The following BAZ2B variants were observed in gnomAD, a reference collection of about 807,000 sequenced individuals.
BAZ2B encodes the protein bromodomain adjacent to zinc finger domain protein 2B.
A neutral mutation model predicts 246.0 loss-of-function variants in BAZ2B; 91 were observed. The observed-to-expected ratio is 0.37, with a 90% CI of 0.31 to 0.44. The LOEUF (loss-of-function observed/expected upper bound fraction) is 0.44. Ranked by LOEUF, BAZ2B falls within the 20% of genes least tolerant of loss-of-function variation. The pLI is 1.00. For synonymous variants in BAZ2B, 855 were observed against 860.0 expected, an observed-to-expected ratio of 0.99 and a Z score of 0.10; for missense variants, 2,332 against 2,533.7, an observed-to-expected ratio of 0.92 and a Z score of 1.71.
chr2:159,457,512 A>C (rs145441898), intron 3 of BAZ2B, among the ~76,000 whole-genome samples: 142 of 152,322 alleles, frequency 9.3e-4, no homozygotes, highest in African/African-American at 3.2e-3. Flanking sequence ...TCTTTAGGCA[A>C]ACTTGCAGTT....
chr2:159,594,573 G>A (rs1210867458), intron 1 of BAZ2B, among the ~76,000 whole-genome samples: 1 of 151,612 alleles, frequency 6.6e-6, no homozygotes, highest in Non-Finnish European at 1.5e-5. Context: ...AATCCTTAAA[G>A]TTTACAACAT....
chr2:159,561,169 G>A (rs2089827875), intron 1 of BAZ2B, among the ~76,000 whole-genome samples: 1 of 152,132 alleles, frequency 6.6e-6, no homozygotes, highest in Admixed American at 6.5e-5. Context: ...CATAAGGTAG[G>A]GTGTTTGGGT....
chr2:159,411,859 A>C, intron 14 of BAZ2B: 4 of 668,442 alleles, frequency 6.0e-6, no homozygotes, highest in Non-Finnish European at 7.4e-6. Flanking sequence ...TATATATACT[A>C]TATCTGGACT....
At chr2:159,693,975 CT>C in the BAZ2B span, 1 of 152,238 alleles carries the variant, frequency 6.6e-6, no homozygotes, top group Admixed American at 6.5e-5. Flanking sequence ...AAATTCACCC[CT>C]AGGTTTTCAA....
At chr2:159,679,647 C>T in the BAZ2B span, among the ~76,000 whole-genome samples, 2 of 152,100 alleles carry the variant, frequency 1.3e-5, no homozygotes, top group African/African-American at 4.8e-5. Context: ...TAAATAAATC[C>T]TTTCAATGCC....
At chr2:159,464,848 A>G (rs1268105187) in intron 3 of BAZ2B, 1 of 152,252 alleles carries the variant, frequency 6.6e-6, no homozygotes, top group African/African-American at 2.4e-5. Flanking sequence ...ATATAGCTGT[A>G]CTTCTAGTAA....
chr2:159,593,077 A>C (rs1689775547), intron 1 of BAZ2B, among the ~76,000 whole-genome samples: 1 of 152,212 alleles, frequency 6.6e-6, no homozygotes, highest in Non-Finnish European at 1.5e-5. Flanking sequence ...CTGCTAAGGG[A>C]AACAAAAATT....
intron 25 of BAZ2B, among the ~76,000 whole-genome samples, chr2:159,380,437 T>G (rs531639858): frequency 1.1e-4 from 17 of 152,344 alleles, no homozygotes; most frequent in African/African-American, 3.8e-4. Flanking sequence ...ATCACACTGC[T>G]TTAACACTGT....
At chr2:159,655,367 TTAAA>T in the BAZ2B span, among the ~76,000 whole-genome samples, 1 of 152,238 alleles carries the variant, frequency 6.6e-6, no homozygotes, top group Admixed American at 6.5e-5. Context: ...CTCCAGGACT[TTAAA>T]TATGCCATTG....
At chr2:159,474,074 G>A (rs2078183790) in intron 3 of BAZ2B, among the ~76,000 whole-genome samples, 1 of 152,122 alleles carries the variant, frequency 6.6e-6, no homozygotes, top group Non-Finnish European at 1.5e-5. Context: ...ATGTGTATTA[G>A]GTCTGCTTGG....
chr2:159,433,158 C>A lies in BAZ2B; in HGVS notation c.1499G>T (p.Ser500Ile). The change falls in exon 9 of 37, where the codon AGT becomes ATT. Residue 500 changes from serine (S) to isoleucine (I), a missense_variant. This residue lies in a region of BAZ2B where 651 missense variants were observed against 650.9 expected (regional missense o/e 1.00). Transcript: ENST00000392783. ...TGCTAGAGGAGCTTCTTGAATGACA[C>A]TTTGAATAACTCCATTTGGTTGGTG... ...GNHQPNGVIQ[S>I]VIQEAPLALT... 1 of 1,614,148 alleles carries A rather than the reference C, an allele frequency of 6.2e-7. No homozygotes were observed. The highest frequency in any genetic ancestry group is 1.3e-5 in the African/African-American group (1 of 75,038).
At chr2:159,652,406 C>T in the BAZ2B span, among the ~76,000 whole-genome samples, 1 of 152,050 alleles carries the variant, frequency 6.6e-6, no homozygotes, top group Non-Finnish European at 1.5e-5. Flanking sequence ...GACAGGGTTT[C>T]ATCATGTTGG....
In BAZ2B at chr2:159,325,133, ATATAT is replaced by A. The variant is rs1558945268; in HGVS notation, c.6210-184_6210-180del. Among the ~76,000 whole-genome samples, 41 of 40,988 alleles carry A rather than the reference ATATAT, an allele frequency of 1.0e-3. 2 individuals are homozygous for A. Among genetic ancestry groups the A allele is most frequent in the African/African-American group, 3.9e-3 (40 of 10,176 alleles). The allele number at this position is 40,988 out of a possible 152,430, so 26.9% of individuals were successfully genotyped here. A position where few individuals can be genotyped will look rare whatever the true frequency, so the allele number is the denominator to read the frequency against. ...ATATATATTTTATATATATATATATATATATATATATATATGAGATAGGGTCTTGC... is the reference window on the plus strand; with the variant it reads ...ATATATATTTTATATATATATATATAATATATATATGAGATAGGGTCTTGC... On this transcript the variant is annotated intron_variant, in intron 35 of 36. Coordinates refer to ENST00000392783, the MANE Select transcript of BAZ2B (RefSeq NM_013450.4).
chr2:159,576,261 T>C (rs1263263630), intron 1 of BAZ2B, among the ~76,000 whole-genome samples: 2 of 152,030 alleles, frequency 1.3e-5, no homozygotes, highest in African/African-American at 2.4e-5. Flanking sequence ...AGAATTCTTG[T>C]GAGGATTACA....
chr2:159,657,081 G>A, the BAZ2B span, among the ~76,000 whole-genome samples: 15 of 152,126 alleles, frequency 9.9e-5, no homozygotes, highest in East Asian at 2.5e-3. Flanking sequence ...TCACTTAGAC[G>A]TTCTCCAGTG....
intron 31 of BAZ2B, among the ~76,000 whole-genome samples, chr2:159,344,042 A>G (rs2067273167): frequency 7.8e-6 from 1 of 127,930 alleles, no homozygotes; most frequent in Admixed American, 8.1e-5. Flanking sequence ...AAAAAAAAAA[A>G]AAAGAAAAAA....
At chr2:159,663,855 CTTTTTT>C in the BAZ2B span, among the ~76,000 whole-genome samples, 8 of 92,496 alleles carry the variant, frequency 8.6e-5, no homozygotes, top group Non-Finnish European at 1.6e-4. Context: ...AAACCATTTT[CTTTTTT>C]TTTTTTTTTT....
the BAZ2B span, among the ~76,000 whole-genome samples, chr2:159,632,102 A>C: frequency 6.6e-6 from 1 of 152,230 alleles, no homozygotes; most frequent in South Asian, 2.1e-4. Context: ...ATTAAGACAA[A>C]ATTAACAAAA....
At chr2:159,639,542 G>A in the BAZ2B span, among the ~76,000 whole-genome samples, 2 of 152,088 alleles carry the variant, frequency 1.3e-5, no homozygotes, top group Non-Finnish European at 2.9e-5. Context: ...GCAGGGAGAT[G>A]AACTTAAAGT....
Sources: gnomAD v4.1 joint callset for allele counts (sites outside exome capture counted in the v4.1 genomes callset) on GRCh38, gnomAD v4.1.1 for gene constraint, gnomAD v4.1.1 regional missense constraint, MANE v1.5 for transcripts, NCBI Gene and HGNC (gene_info 2026-07-23, HGNC 2026-07-21) for gene names.